VWA5A: variants seen among roughly 807,000 people sequenced by gnomAD.
VWA5A encodes von Willebrand factor A domain containing 5A, also known as von Willebrand factor A domain-containing protein 5A.
In VWA5A, 77 loss-of-function variants were observed where a neutral mutation model predicts 84.6. The observed-to-expected ratio is 0.91, with a 90% confidence interval of 0.76 to 1.10. The LOEUF is 1.10. VWA5A is among the 50% of genes least tolerant of loss of function. The probability of loss-of-function intolerance (pLI) is 0.00; values close to 1 mark genes in which losing one functional copy is unlikely to be tolerated. For synonymous variants in VWA5A, 334 were observed against 350.1 expected, an observed-to-expected ratio of 0.95 and a Z score of 0.51; for missense variants, 973 against 963.0, an observed-to-expected ratio of 1.01 and a Z score of -0.14.
chr11:124,136,428 A>G, intron 13 of VWA5A, 135 bp downstream of exon 13: 2 of 1,444,782 alleles, frequency 1.4e-6, no homozygotes, highest in Non-Finnish European at 1.9e-6. Flanking sequence ...CCTTCCCATC[A>G]TTTCAGGTCT....
intron 17 of VWA5A, among the ~76,000 whole-genome samples, 194 bp from the exon 18 acceptor site, chr11:124,145,043 G>C (rs12277026): frequency 6.6e-6 from 1 of 152,114 alleles, no homozygotes; most frequent in Admixed American, 6.5e-5. Flanking sequence ...TTTCTATTTC[G>C]AGACTCAATG....
In VWA5A at chr11:124,118,839, C is replaced by T. The variant is rs1864885011; in HGVS notation, c.645+131C>T. On this transcript the variant is annotated intron_variant, in intron 6 of 18. Transcript: ENST00000456829. Reference sequence around the variant, plus strand: ...TGCTCCTTGCATATCGTCATTTAATCTCCAGAGCCTTCTCTCCAGCCTCAC... The same window carrying T: ...TGCTCCTTGCATATCGTCATTTAATTTCCAGAGCCTTCTCTCCAGCCTCAC... The T allele has an allele frequency of 1.3e-5, 17 of 1,348,772 alleles. No homozygotes were observed. The South Asian group carries it at 2.2e-4, about 17-fold the overall frequency. The allele number at this position is 1,348,772 out of a possible 1,614,324, so 83.6% of individuals were successfully genotyped here. A position where few individuals can be genotyped will look rare whatever the true frequency, so the allele number is the denominator to read the frequency against.
At position 124,118,561 on chromosome 11, in the gene VWA5A, G is replaced by A; in HGVS notation, c.498G>A (p.Val166=). 1.2e-6 allele frequency: 2 copies of A among 1,614,148 alleles called. No individual in the cohort carries two copies. The change falls in exon 6 of 19, where the codon GTG becomes GTA. Residue 166 remains valine, a synonymous_variant. Coordinates refer to ENST00000456829, the MANE Select transcript of VWA5A (RefSeq NM_001130142.2). ...SGSSKDSCLN[V]KTPIVPVEDL... ...CGTCTAAGGACAGTTGCCTTAATGT[G>A]AAGACTCCTATAGTCCCTGTGGAGG...
At position 124,117,815 on chromosome 11, in the gene VWA5A, C is replaced by A; in HGVS notation, c.186C>A (p.Tyr62Ter). 6.2e-7 allele frequency: 1 copy of A among 1,614,186 alleles called. No individual in the cohort carries two copies. The highest frequency in any genetic ancestry group is 1.1e-5 in the South Asian group (1 of 91,082). ...CCATGGATGAAGACTCTGCTGTTTA[C>A]AGCTTTGAGGCCTTGGTGGATGGGA... ...VFPMDEDSAV[Y>*]SFEALVDGKK... Residue 62 changes from tyrosine (Y) to a stop codon, truncating the protein, a stop_gained, in exon 4 of 19, where the codon TAC (tyrosine) becomes TAA (stop). Transcript: ENST00000456829. LOFTEE classifies it high-confidence loss of function.
intron 11 of VWA5A, among the ~76,000 whole-genome samples, chr11:124,134,717 G>A (rs1326349637): frequency 1.3e-5 from 2 of 152,200 alleles, no homozygotes; most frequent in East Asian, 1.9e-4. Context: ...CCTTTTAGGG[G>A]TCTTGTGATG....
In VWA5A at chr11:124,145,233, G is replaced by A; in HGVS notation, c.2155-4G>A. 6.2e-7 allele frequency: 1 copy of A among 1,611,644 alleles called. No individual in the cohort carries two copies. Among genetic ancestry groups the A allele is most frequent in the Non-Finnish European group, 8.5e-7 (1 of 1,178,742 alleles). On this transcript the variant is annotated splice_region_variant and splice_polypyrimidine_tract_variant and intron_variant, in intron 17 of 18. Coordinates refer to ENST00000456829, the MANE Select transcript of VWA5A (RefSeq NM_001130142.2). ...CCAACTGGAGCTCTCTATCTACTGTGCAGCTTGTGGATTCCTCAGGCTGGG... is the reference window on the plus strand; with the variant it reads ...CCAACTGGAGCTCTCTATCTACTGTACAGCTTGTGGATTCCTCAGGCTGGG...
intron 8 of VWA5A, 94 bp from the exon 9 acceptor site, chr11:124,123,272 G>T: frequency 3.3e-6 from 5 of 1,516,454 alleles, no homozygotes; most frequent in Non-Finnish European, 3.6e-6. Flanking sequence ...GCACAAGGTG[G>T]GGGATGGCCC....
At chr11:124,119,560 A>T (rs915724215) in intron 7 of VWA5A, among the ~76,000 whole-genome samples, 1 of 152,242 alleles carries the variant, frequency 6.6e-6, no homozygotes, top group Non-Finnish European at 1.5e-5. Context: ...TGGTAATTTC[A>T]CTTTTAGAAA....
At chr11:124,125,305 T>C (rs1199330933) in intron 11 of VWA5A, among the ~76,000 whole-genome samples, 2 of 151,312 alleles carry the variant, frequency 1.3e-5, no homozygotes, top group African/African-American at 4.9e-5. Flanking sequence ...TTTCTTGAGA[T>C]GGAGTCTCGC....
rs369529142 is a variant in VWA5A, at chr11:124,123,353, C to G, written c.931-13C>G. The G allele has an allele frequency of 6.2e-7, 1 of 1,611,662 alleles. No homozygotes were observed. Among genetic ancestry groups the G allele is most frequent in the Non-Finnish European group, 8.5e-7 (1 of 1,178,886 alleles). On this transcript the variant is annotated splice_polypyrimidine_tract_variant and intron_variant, in intron 8 of 18. Transcript: ENST00000456829. Reference sequence around the variant, plus strand: ...CTCTCTCACTCTGTCTCTTCATACTCTCTTACCTTCAGGAAACACTGATTT... The same window carrying G: ...CTCTCTCACTCTGTCTCTTCATACTGTCTTACCTTCAGGAAACACTGATTT...
At chr11:124,145,203 C>A in intron 17 of VWA5A, 34 bp from the exon 18 acceptor site, 1 of 1,584,080 alleles carries the variant, frequency 6.3e-7, no homozygotes, top group South Asian at 1.2e-5. Context: ...GAGGGACTTC[C>A]TGTGCCAACT....
Position 124,147,713 on chromosome 11 carries a change from G to C in VWA5A, c.*1768G>C, listed in dbSNP as rs1860842084. On this transcript the variant is annotated 3_prime_UTR_variant, in exon 19 of 19. Transcript: ENST00000456829. ...TTTCATGAAATAGGCTTATATCCAA[G>C]CCTGCCATCTAGATAGGCCCTACCT... is the stretch of plus-strand genomic sequence containing the variant. The C allele has an allele frequency of 6.6e-6, 1 of 152,144 alleles. No individual in the cohort carries two copies. The highest frequency in any genetic ancestry group is 2.1e-4 in the South Asian group (1 of 4,830). The allele number at this position is 152,144 out of a possible 1,614,324, so 9.4% of individuals were successfully genotyped here. A position where few individuals can be genotyped will look rare whatever the true frequency, so the allele number is the denominator to read the frequency against.
In VWA5A at chr11:124,123,056, T is replaced by C; in HGVS notation, c.857T>C (p.Met286Thr). ...ACCTGTGGAGAGTTTATCTTTCTCA[T>C]GGACCGCTCGGGAAGTATGCAGAGC... ...SNTCGEFIFL[M>T]DRSGSMQSPM... The change falls in exon 8 of 19, where the codon ATG (methionine) becomes ACG (threonine). Residue 286 changes from methionine to threonine, a missense_variant. Physicochemically the swap from Met to Thr is moderately conservative, Grantham distance 81. Transcript: ENST00000456829. 2 of 1,614,182 alleles carry C rather than the reference T, an allele frequency of 1.2e-6. No homozygotes were observed. Among genetic ancestry groups the C allele is most frequent in the Non-Finnish European group, 1.7e-6 (2 of 1,180,044 alleles).
intron 11 of VWA5A, among the ~76,000 whole-genome samples, chr11:124,133,327 T>C (rs1865125273): frequency 6.6e-6 from 1 of 152,330 alleles, no homozygotes; most frequent in East Asian, 1.9e-4. Context: ...AAAGTGCAAA[T>C]TGATATTTTG....
chr11:124,142,303 C>G, intron 16 of VWA5A, 139 bp from the exon 17 acceptor site: 1 of 1,179,418 alleles, frequency 8.5e-7, no homozygotes, highest in Non-Finnish European at 1.2e-6. Flanking sequence ...GACCGATCTT[C>G]TGGATGTTGT....
chr11:124,135,857 C>G (rs1198655020), intron 12 of VWA5A, among the ~76,000 whole-genome samples: 1 of 152,120 alleles, frequency 6.6e-6, no homozygotes, highest in African/African-American at 2.4e-5. Context: ...GCTCCTCTTT[C>G]CCAGTAGGTG....
Position 124,117,868 on chromosome 11 carries a change from A to T in VWA5A, c.239A>T (p.Lys80Met), listed in dbSNP as rs1439777218. ...AAAATTGTAGCAGAATTACAAGACAAGATGAAGGTAGTAGAGATTACCTCC... is the reference window on the plus strand; with the variant it reads ...AAAATTGTAGCAGAATTACAAGACATGATGAAGGTAGTAGAGATTACCTCC... ...GKKIVAELQD[K>M]MKARTNYEKA... The change falls in exon 4 of 19, where the codon AAG becomes ATG. Residue 80 changes from lysine to methionine, a missense_variant. By Grantham distance (95) the Lys-to-Met change is moderately conservative. Coordinates refer to ENST00000456829, the MANE Select transcript of VWA5A (RefSeq NM_001130142.2). 1.9e-6 allele frequency: 3 copies of T among 1,614,120 alleles called. No individual in the cohort carries two copies. In the African/African-American group the frequency reaches 4.0e-5, roughly 22 times the overall value.
At chr11:124,124,357 A>C in intron 11 of VWA5A, 41 bp downstream of exon 11, 2 of 1,605,906 alleles carry the variant, frequency 1.2e-6, no homozygotes, top group Non-Finnish European at 1.7e-6. Context: ...GGTGCTGAGT[A>C]GTGACACACA....
intron 15 of VWA5A, among the ~76,000 whole-genome samples, chr11:124,139,018 T>A (rs994063263): frequency 1.3e-5 from 2 of 152,226 alleles, no homozygotes; most frequent in African/African-American, 4.8e-5. Context: ...CCAATGCCAT[T>A]TATTAAAGTG....
Sources: allele counts gnomAD v4.1 joint callset (sites outside exome capture counted in the v4.1 genomes callset), GRCh38; gene constraint gnomAD v4.1.1; transcripts MANE v1.5; gene names NCBI Gene and HGNC (gene_info 2026-07-23, HGNC 2026-07-21).